NR3C1: variants seen among roughly 807,000 people sequenced by gnomAD.
NR3C1 encodes the protein glucocorticoid receptor.
A neutral mutation model predicts 74.0 loss-of-function variants in NR3C1; 14 were observed. That is an observed-to-expected ratio of 0.19 (90% CI 0.12 to 0.30). NR3C1 has a LOEUF of 0.30. Ranked by LOEUF, NR3C1 falls within the 10% of genes least tolerant of loss-of-function variation. The pLI, the probability that NR3C1 is intolerant of heterozygous loss-of-function variation, is 1.00. For synonymous variants in NR3C1, 308 were observed against 332.5 expected, an observed-to-expected ratio of 0.93 and a Z score of 0.80; for missense variants, 695 against 909.8, an observed-to-expected ratio of 0.76 and a Z score of 3.04.
intron 2 of NR3C1, among the ~76,000 whole-genome samples, chr5:143,368,548 C>CAT (rs1833678521): frequency 6.7e-6 from 1 of 150,152 alleles, no homozygotes; most frequent in African/African-American, 2.4e-5. Flanking sequence ...CACACACACA[C>CAT]ACACACACAC....
At chr5:143,356,401 ACC>A (rs1600225474) in intron 2 of NR3C1, among the ~76,000 whole-genome samples, 1 of 152,068 alleles carries the variant, frequency 6.6e-6, no homozygotes, top group African/African-American at 2.4e-5. Flanking sequence ...GAAAAAATGA[ACC>A]CTGATTATCA....
chr5:143,420,910 C>A (rs1600678014), intron 1 of NR3C1, among the ~76,000 whole-genome samples: 1 of 152,160 alleles, frequency 6.6e-6, no homozygotes, highest in East Asian at 1.9e-4. Flanking sequence ...AAACAAAGTC[C>A]TTCAGAGAAC....
In NR3C1 at chr5:143,403,131, C is replaced by T. The variant is rs4075426; in HGVS notation, c.-14+80G>A. ...AATAAAAGTTTGTAGGCTCCCGCGG[C>T]GGCCCCCGAGTTGTCTCCGGTCCCA... On this transcript the variant is annotated intron_variant, in intron 1 of 8. Transcript: ENST00000394464. 5.1e-4 allele frequency: 496 copies of T among 979,556 alleles called. 2 individuals carry two copies. In the African/African-American group the frequency reaches 8.2e-3, roughly 16 times the overall value. 60.7% of individuals were successfully genotyped at this position (979,556 alleles called of 1,614,324 possible).
upstream of NR3C1, chr5:143,403,975 C>CG (rs1840850706): frequency 4.1e-6 from 4 of 984,472 alleles, no homozygotes; most frequent in African/African-American, 7.0e-5. Flanking sequence ...GCGGCAGCGG[C>CG]GGGGGCCGAC....
intron 7 of NR3C1, chr5:143,295,042 G>A (rs1554073063): frequency 1.0e-6 from 1 of 985,210 alleles, no homozygotes; most frequent in Non-Finnish European, 1.2e-6. Flanking sequence ...CCTTTTCTAG[G>A]ATGCGCCTTT....
At chr5:143,435,249 C>G in exon 1 of NR3C1, 1 of 985,412 alleles carries the variant, frequency 1.0e-6, no homozygotes, top group Non-Finnish European at 1.2e-6. Context: ...CCAGTGCTTC[C>G]GTTGGACACA....
At chr5:143,356,699 A>C (rs10041040) in intron 2 of NR3C1, among the ~76,000 whole-genome samples, 16 of 149,706 alleles carry the variant, frequency 1.1e-4, no homozygotes, top group Non-Finnish European at 3.0e-5. Context: ...AAAAAAAAAA[A>C]CACACGCAAA....
At chr5:143,359,672 C>T (rs143252405) in intron 2 of NR3C1, among the ~76,000 whole-genome samples, 16 of 152,292 alleles carry the variant, frequency 1.1e-4, no homozygotes, top group African/African-American at 3.6e-4. Flanking sequence ...ATCCCCAGCA[C>T]TTTGGAAGGC....
chr5:143,361,246 T>C (rs913867968), intron 2 of NR3C1, among the ~76,000 whole-genome samples: 3 of 152,172 alleles, frequency 2.0e-5, no homozygotes, highest in Non-Finnish European at 4.4e-5. Context: ...CTTCATTAGA[T>C]TGAAACCTTG....
At position 143,402,837 on chromosome 5, in the gene NR3C1, C is replaced by G. The variant is rs10482614; in HGVS notation, c.-14+374G>C. On this transcript the variant is annotated intron_variant, in intron 1 of 8. Coordinates refer to ENST00000394464, the MANE Select transcript of NR3C1 (RefSeq NM_000176.3). ...TTCAGACGCGGCTTAGCGTTCACCA[C>G]GAAAACGGGTGTCGGGCGACCCCCT... 107 of 985,272 alleles carry G rather than the reference C, an allele frequency of 1.1e-4. No individual in the cohort carries two copies. In the African/African-American group the frequency reaches 1.8e-3, roughly 17 times the overall value. The allele number at this position is 985,272 out of a possible 1,614,324, so 61.0% of individuals were successfully genotyped here. A position where few individuals can be genotyped will look rare whatever the true frequency, so the allele number is the denominator to read the frequency against.
intron 2 of NR3C1, among the ~76,000 whole-genome samples, chr5:143,368,931 A>G (rs1202988624): frequency 6.6e-6 from 1 of 152,154 alleles, no homozygotes; most frequent in South Asian, 2.1e-4. Context: ...CAGGGCAGCA[A>G]TCACATAGTG....
At chr5:143,323,799 G>A (rs1823938329) in intron 2 of NR3C1, among the ~76,000 whole-genome samples, 1 of 152,054 alleles carries the variant, frequency 6.6e-6, no homozygotes, top group South Asian at 2.1e-4. Context: ...GGGGTAGGGG[G>A]GTGTCACAGG....
At chr5:143,372,194 T>C (rs1041182312) in intron 2 of NR3C1, among the ~76,000 whole-genome samples, 2 of 152,252 alleles carry the variant, frequency 1.3e-5, no homozygotes, top group Non-Finnish European at 2.9e-5. Context: ...TCTCAGCATA[T>C]GATTTCTTTT....
At chr5:143,404,386 G>A (rs565382285), upstream of NR3C1, 4 of 985,480 alleles carry the variant, frequency 4.1e-6, no homozygotes, top group African/African-American at 7.0e-5. Flanking sequence ...TTTGGGCCCG[G>A]GGGGAGTCGC....
intron 2 of NR3C1, among the ~76,000 whole-genome samples, chr5:143,368,576 TCAA>T (rs1327623101): frequency 3.5e-5 from 5 of 144,522 alleles, no homozygotes; most frequent in East Asian, 2.0e-4. Flanking sequence ...CACCGACAAC[TCAA>T]CAATAAAAAG....
intron 3 of NR3C1, among the ~76,000 whole-genome samples, chr5:143,311,797 T>G (rs544697733): frequency 2.7e-5 from 4 of 150,744 alleles, no homozygotes; most frequent in Admixed American, 6.6e-5. Flanking sequence ...CGTTTTTTTT[T>G]TTTTTTTTTT....
intron 2 of NR3C1, among the ~76,000 whole-genome samples, chr5:143,340,247 T>C (rs1827924411): frequency 6.6e-6 from 1 of 152,158 alleles, no homozygotes; most frequent in Non-Finnish European, 1.5e-5. Context: ...TATACAGTGT[T>C]CCTGGATTGG....
intron 1 of NR3C1, among the ~76,000 whole-genome samples, chr5:143,409,875 A>G (rs571665631): frequency 1.3e-5 from 2 of 152,344 alleles, no homozygotes; most frequent in Admixed American, 1.3e-4. Flanking sequence ...TGATGCTTTC[A>G]ATGATTTCAT....
chr5:143,369,746 A>C (rs1333525667), intron 2 of NR3C1, among the ~76,000 whole-genome samples: 1 of 152,222 alleles, frequency 6.6e-6, no homozygotes, highest in East Asian at 1.9e-4. Context: ...TTATCCAATC[A>C]AAAATGTCAA....
Sources: gnomAD v4.1 joint callset for allele counts (sites outside exome capture counted in the v4.1 genomes callset) on GRCh38, gnomAD v4.1.1 for gene constraint, MANE v1.5 for transcripts, NCBI Gene and HGNC (gene_info 2026-07-23, HGNC 2026-07-21) for gene names.